Variants in PPP6R2 observed in about 807,000 individuals in gnomAD.
The protein encoded by PPP6R2 is serine/threonine-protein phosphatase 6 regulatory subunit 2.
A neutral mutation model predicts 100.2 loss-of-function variants in PPP6R2; 62 were observed. The ratio of observed to expected loss-of-function variants is 0.62; its 90% CI spans 0.50 to 0.76. The LOEUF (loss-of-function observed/expected upper bound fraction) is 0.76. Among genes scored for constraint, PPP6R2 ranks in the 30% least tolerant of loss-of-function variants. The pLI, the probability that PPP6R2 is intolerant of heterozygous loss-of-function variation, is 0.00. For synonymous variants in PPP6R2, 525 were observed against 514.7 expected, an observed-to-expected ratio of 1.02 and a Z score of -0.27; for missense variants, 1,142 against 1,276.3, an observed-to-expected ratio of 0.89 and a Z score of 1.60.
intron 2 of PPP6R2, among the ~76,000 whole-genome samples, chr22:50,373,465 G>A (rs2050752931): frequency 1.3e-5 from 2 of 151,554 alleles, no homozygotes; most frequent in Non-Finnish European, 2.9e-5. Flanking sequence ...GGATGGTCTC[G>A]ATCTCCTGAC....
intron 2 of PPP6R2, among the ~76,000 whole-genome samples, chr22:50,376,076 G>A (rs76860963): frequency 1.5e-3 from 232 of 151,752 alleles, no homozygotes; most frequent in African/African-American, 3.4e-3. Flanking sequence ...CAGGTGATCC[G>A]CCTGCAGATA....
rs145767413 is a variant in PPP6R2 at position 50,411,514 on chromosome 22, A to G, written c.415-3038A>G. On this transcript the variant is annotated intron_variant, in intron 4 of 23. Coordinates refer to ENST00000612753, the MANE Select transcript of PPP6R2 (RefSeq NM_001242898.2). ...ACACCTGTAATCCCAGCATTTTGGGAGGCCAAGGCAAGCGGATTATCTGAG... is the reference window on the plus strand; with the variant it reads ...ACACCTGTAATCCCAGCATTTTGGGGGGCCAAGGCAAGCGGATTATCTGAG... 4.3e-3 allele frequency among the ~76,000 whole-genome samples: 659 copies of G among 152,192 alleles called. 8 individuals carry two copies. Among genetic ancestry groups the G allele is most frequent in the African/African-American group, 0.015 (614 of 41,532 alleles).
intron 2 of PPP6R2, among the ~76,000 whole-genome samples, chr22:50,384,479 T>A (rs955626239): frequency 4.0e-5 from 6 of 151,770 alleles, no homozygotes; most frequent in Admixed American, 1.3e-4. Context: ...CGCTTGAACT[T>A]GGGAGGTGGA....
intron 3 of PPP6R2, 61 bp from the exon 4 acceptor site, chr22:50,406,627 CA>C: frequency 6.1e-6 from 9 of 1,482,484 alleles, no homozygotes; most frequent in Non-Finnish European, 8.4e-6. Flanking sequence ...ACTATGTAAG[CA>C]GCTTCCTAAG....
intron 2 of PPP6R2, among the ~76,000 whole-genome samples, chr22:50,377,915 G>A (rs1190850428): frequency 6.6e-6 from 1 of 152,160 alleles, no homozygotes; most frequent in Non-Finnish European, 1.5e-5. Flanking sequence ...GCTGAGGTAG[G>A]AGAATTGCTT....
intron 2 of PPP6R2, among the ~76,000 whole-genome samples, chr22:50,390,673 G>T (rs2055287036): frequency 6.6e-6 from 1 of 151,488 alleles, no homozygotes; most frequent in Non-Finnish European, 1.5e-5. Context: ...AAAAAGAGAA[G>T]ACATAACAAT....
chr22:50,431,043 C>T lies in PPP6R2; in HGVS notation c.1126-130C>T, dbSNP rs184737860. The T allele has an allele frequency of 2.7e-6, 2 of 743,472 alleles. No homozygotes were observed. The highest frequency in any genetic ancestry group is 4.9e-5 in the East Asian group (2 of 40,526). 46.1% of individuals were successfully genotyped at this position (743,472 alleles called of 1,614,324 possible). ...TCAGGAAAACGCTTAAAACTCCTTC[C>T]TAGCTACCCAGAGACTGGACTTGTG... On this transcript the variant is annotated intron_variant, in intron 10 of 23. Coordinates refer to ENST00000612753, the MANE Select transcript of PPP6R2 (RefSeq NM_001242898.2). The surrounding 1 kb of genome is among the most constrained non-coding windows in gnomAD (Gnocchi z 4.8).
At chr22:50,421,640 G>A (rs1341607121) in intron 8 of PPP6R2, among the ~76,000 whole-genome samples, 1 of 152,224 alleles carries the variant, frequency 6.6e-6, no homozygotes, top group Non-Finnish European at 1.5e-5. Flanking sequence ...GGTAGGCGCA[G>A]TGGCTCACGC....
the PPP6R2 span, among the ~76,000 whole-genome samples, chr22:50,333,375 C>G: frequency 6.7e-6 from 1 of 148,692 alleles, no homozygotes; most frequent in South Asian, 2.1e-4. Context: ...CTCGCTCTGT[C>G]GCCCAGGCTA....
chr22:50,366,350 A>G (rs920825113), intron 1 of PPP6R2, among the ~76,000 whole-genome samples: 27 of 143,126 alleles, frequency 1.9e-4, no homozygotes, highest in African/African-American at 6.8e-4. Flanking sequence ...TCGCTCTGTC[A>G]CCTAGGCTGG....
intron 2 of PPP6R2, among the ~76,000 whole-genome samples, chr22:50,381,114 CAAA>C (rs768271991): frequency 8.0e-5 from 9 of 112,938 alleles, no homozygotes; most frequent in Non-Finnish European, 1.1e-4. Flanking sequence ...AACTTTGTCT[CAAA>C]AAAAAAAAAA....
chr22:50,359,172 G>C (rs540487974), intron 1 of PPP6R2, among the ~76,000 whole-genome samples: 1 of 148,112 alleles, frequency 6.8e-6, no homozygotes, highest in South Asian at 2.1e-4. Context: ...GCTAATGTTT[G>C]TATTGTTAGT....
intron 1 of PPP6R2, among the ~76,000 whole-genome samples, chr22:50,357,363 C>T (rs2046821680): frequency 6.6e-6 from 1 of 151,868 alleles, no homozygotes; most frequent in South Asian, 2.1e-4. Context: ...ATACTAGTTG[C>T]TTATTTTCTC....
intron 1 of PPP6R2, among the ~76,000 whole-genome samples, chr22:50,359,104 A>G (rs997717789): frequency 6.8e-6 from 1 of 146,060 alleles, no homozygotes; most frequent in African/African-American, 2.5e-5. Flanking sequence ...GGTTTGAGTG[A>G]TTTTCCTGCC....
chr22:50,404,089 ATTTT>A (rs55771128), intron 3 of PPP6R2, among the ~76,000 whole-genome samples: 1 of 116,412 alleles, frequency 8.6e-6, no homozygotes, highest in Non-Finnish European at 1.8e-5. Flanking sequence ...TGCACATTCT[ATTTT>A]TTTTTTTTTT....
rs1464202068 is a variant in PPP6R2 at position 50,423,750 on chromosome 22, C to T, written c.1125+136C>T. ...ACGGGGAGGTTCCAGTCCCAAGTCC[C>T]AAGGCTGGACTACAGGTCTCTGGCG... On this transcript the variant is annotated intron_variant, in intron 10 of 23. Transcript: ENST00000612753. This position sits in a 1 kb window ranked among gnomAD's most constrained non-coding sequence, Gnocchi z 4.8. The T allele has an allele frequency of 9.1e-7, 1 of 1,094,630 alleles. No homozygotes were observed. Among genetic ancestry groups the T allele is most frequent in the Non-Finnish European group, 1.3e-6 (1 of 762,386 alleles). 67.8% of individuals were successfully genotyped at this position (1,094,630 alleles called of 1,614,324 possible).
intron 1 of PPP6R2, among the ~76,000 whole-genome samples, chr22:50,363,513 G>A (rs2048182890): frequency 6.6e-6 from 1 of 152,302 alleles, no homozygotes; most frequent in Admixed American, 6.5e-5. Flanking sequence ...CTCATGCAAA[G>A]CTTTTTCCGG....
chr22:50,333,761 A>G, the PPP6R2 span, among the ~76,000 whole-genome samples: 2 of 152,200 alleles, frequency 1.3e-5, no homozygotes, highest in East Asian at 1.9e-4. Flanking sequence ...ACAAAGAGAT[A>G]GAAGAAAAGA....
intron 12 of PPP6R2, among the ~76,000 whole-genome samples, chr22:50,433,979 T>G (rs1234007694): frequency 8.6e-5 from 2 of 23,220 alleles, no homozygotes; most frequent in Admixed American, 4.8e-4. Context: ...GCCGGGGGCA[T>G]GGATGCTGGG....
Sources: allele counts gnomAD v4.1 joint callset (sites outside exome capture counted in the v4.1 genomes callset), GRCh38; gene constraint gnomAD v4.1.1; non-coding constraint Gnocchi (gnomAD v3.1); transcripts MANE v1.5; gene names NCBI Gene and HGNC (gene_info 2026-07-23, HGNC 2026-07-21).